The following CRLF3 variants were observed in gnomAD, a reference collection of about 807,000 sequenced individuals.
The protein encoded by CRLF3 is cytokine receptor-like factor 3.
Under a neutral mutation model 55.0 loss-of-function variants are expected in CRLF3, and 33 were observed. The observed-to-expected ratio is 0.60, with a 90% CI of 0.46 to 0.80. CRLF3 has a LOEUF of 0.80. Ranked by LOEUF, CRLF3 falls within the 30% of genes least tolerant of loss-of-function variation. The pLI, the probability that CRLF3 is intolerant of heterozygous loss-of-function variation, is 0.00. For missense variants in CRLF3, 494 were observed against 538.4 expected, an observed-to-expected ratio of 0.92 and a Z score of 0.82; for synonymous variants, 238 against 196.8, an observed-to-expected ratio of 1.21 and a Z score of -1.75.
intron 6 of CRLF3, among the ~76,000 whole-genome samples, chr17:30,791,521 AT>A (rs879662887): frequency 1.3e-3 from 175 of 130,142 alleles, no homozygotes; most frequent in Non-Finnish European, 1.3e-3. Context: ...GGCCTCTAAA[AT>A]TTTTTTTTTT....
At chr17:30,817,282 CA>C (rs1904836227) in intron 1 of CRLF3, among the ~76,000 whole-genome samples, 1 of 151,834 alleles carries the variant, frequency 6.6e-6, no homozygotes, top group Non-Finnish European at 1.5e-5. Flanking sequence ...ACTAAAAATA[CA>C]AAAAATGAGC....
chr17:30,813,077 G>A (rs2142269841), intron 1 of CRLF3, among the ~76,000 whole-genome samples: 2 of 152,118 alleles, frequency 1.3e-5, no homozygotes, highest in East Asian at 3.8e-4. Flanking sequence ...AGAATTGTAA[G>A]CAAATAAAAT....
chr17:30,820,809 G>C (rs1000599655), intron 1 of CRLF3, among the ~76,000 whole-genome samples: 2 of 122,102 alleles, frequency 1.6e-5, no homozygotes, highest in East Asian at 4.7e-4. Context: ...CTGGGCAAAA[G>C]AGCGAGACTC....
At chr17:30,819,502 G>A (rs756730965) in intron 1 of CRLF3, among the ~76,000 whole-genome samples, 2 of 152,030 alleles carry the variant, frequency 1.3e-5, no homozygotes, top group Non-Finnish European at 2.9e-5. Flanking sequence ...TTTTGAGATG[G>A]AGTCTCGCTC....
At chr17:30,784,486 C>T in intron 7 of CRLF3, 43 bp from the exon 8 acceptor site, 1 of 1,528,586 alleles carries the variant, frequency 6.5e-7, no homozygotes, top group Non-Finnish European at 9.0e-7. Context: ...TGAGCAATAA[C>T]TAAGAGATCT....
At chr17:30,796,406 G>T in intron 3 of CRLF3, 69 bp from the exon 4 acceptor site, 1 of 1,295,234 alleles carries the variant, frequency 7.7e-7, no homozygotes. Flanking sequence ...AAATATTTTA[G>T]AGCAGTCACA....
chr17:30,786,098 A>C, intron 6 of CRLF3, 67 bp from the exon 7 acceptor site: 1 of 875,900 alleles, frequency 1.1e-6, no homozygotes, highest in East Asian at 2.4e-5. Flanking sequence ...CTTAACAGCC[A>C]CTAGCTTAAA....
intron 1 of CRLF3, among the ~76,000 whole-genome samples, chr17:30,806,779 G>A (rs1331900919): frequency 1.1e-4 from 16 of 152,076 alleles, no homozygotes; most frequent in Admixed American, 1.0e-3. Context: ...GCTTATAGGT[G>A]CGGGCCACCA....
At chr17:30,790,821 T>G (rs1381938160) in intron 6 of CRLF3, 2 of 152,244 alleles carry the variant, frequency 1.3e-5, no homozygotes, top group African/African-American at 4.8e-5. Context: ...TTTCACTATG[T>G]TGGCCAGGAT....
At chr17:30,798,288 G>T (rs999371923) in intron 2 of CRLF3, among the ~76,000 whole-genome samples, 20 of 151,898 alleles carry the variant, frequency 1.3e-4, no homozygotes, top group African/African-American at 4.8e-4. Context: ...TGAGGCAGGA[G>T]AATCACTTGA....
intron 1 of CRLF3, among the ~76,000 whole-genome samples, chr17:30,807,144 G>A (rs1335595398): frequency 4.6e-5 from 7 of 151,908 alleles, no homozygotes; most frequent in Admixed American, 6.6e-5. Flanking sequence ...AAGCCACTCC[G>A]ATAAGTTAAA....
chr17:30,794,174 C>G (rs2142253439), intron 4 of CRLF3, among the ~76,000 whole-genome samples: 1 of 152,216 alleles, frequency 6.6e-6, no homozygotes, highest in Admixed American at 6.6e-5. Context: ...CTGTATTTCC[C>G]AGTCTGATAT....
In CRLF3 at chr17:30,786,050, G is replaced by A. The variant is rs749841380; in HGVS notation, c.960-19C>T. 2.3e-6 allele frequency: 3 copies of A among 1,320,904 alleles called. No individual in the cohort carries two copies. The highest frequency in any genetic ancestry group is 2.4e-5 in the South Asian group (2 of 82,432). The allele number at this position is 1,320,904 out of a possible 1,614,324, so 81.8% of individuals were successfully genotyped here. ...TTCAACTCTGTAAATGAAGTAGAAA[G>A]GTCATTTCATACTTTTAAAAATATA... On this transcript the variant is annotated intron_variant, in intron 6 of 7. Coordinates refer to ENST00000324238, the MANE Select transcript of CRLF3 (RefSeq NM_015986.4).
Position 30,802,369 on chromosome 17 carries a change from C to T in CRLF3, c.337+1532G>A, listed in dbSNP as rs561546609. 7.2e-5 allele frequency among the ~76,000 whole-genome samples: 11 copies of T among 152,242 alleles called. No homozygotes were observed. The East Asian group carries it at 1.7e-3, about 24-fold the overall frequency. On this transcript the variant is annotated intron_variant, in intron 2 of 7. Coordinates refer to ENST00000324238, the MANE Select transcript of CRLF3 (RefSeq NM_015986.4). ...TCTCCTGACCTGATGATCCGCCCAC[C>T]TCCACCTCCCAAAGTGCTGGGATTA...
At chr17:30,814,192 G>C (rs1904710987) in intron 1 of CRLF3, among the ~76,000 whole-genome samples, 1 of 152,166 alleles carries the variant, frequency 6.6e-6, no homozygotes, top group Non-Finnish European at 1.5e-5. Context: ...AGGAGGCAGA[G>C]GTTGCAGTGA....
At position 30,810,525 on chromosome 17, in the gene CRLF3, G is replaced by A. The variant is rs76329801; in HGVS notation, c.130-6417C>T. Among the ~76,000 whole-genome samples, 54 of 152,120 alleles carry A rather than the reference G, an allele frequency of 3.5e-4. No homozygotes were observed. In the East Asian group the frequency reaches 0.01, roughly 28 times the overall value. On this transcript the variant is annotated intron_variant, in intron 1 of 7. Coordinates refer to ENST00000324238, the MANE Select transcript of CRLF3 (RefSeq NM_015986.4). ...TGCAGTGAGCTAAGATAGTGCCATC[G>A]CACTCCAGCCTGGGCAATAGAGCAA...
intron 4 of CRLF3, among the ~76,000 whole-genome samples, chr17:30,793,979 C>T (rs1971864466): frequency 2.6e-5 from 4 of 152,092 alleles, no homozygotes; most frequent in Admixed American, 2.6e-4. Context: ...GCTGGGATTT[C>T]AGGTGCACAC....
chr17:30,797,900 A>T (rs1971945821), intron 2 of CRLF3, among the ~76,000 whole-genome samples: 1 of 150,020 alleles, frequency 6.7e-6, no homozygotes, highest in South Asian at 2.1e-4. Context: ...TCAGCCTCCC[A>T]AGTAGCTGTG....
At chr17:30,801,289 ACTTT>A (rs1344269734) in intron 2 of CRLF3, 3 of 151,430 alleles carry the variant, frequency 2.0e-5, no homozygotes, top group Non-Finnish European at 2.9e-5. Flanking sequence ...TACCTGGATT[ACTTT>A]CTAATAACTT....
Sources: allele counts gnomAD v4.1 joint callset (sites outside exome capture counted in the v4.1 genomes callset), GRCh38; gene constraint gnomAD v4.1.1; transcripts MANE v1.5; gene names NCBI Gene and HGNC (gene_info 2026-07-23, HGNC 2026-07-21).